Variants in PTPRO observed in about 807,000 individuals in gnomAD.
PTPRO encodes the protein receptor-type tyrosine-protein phosphatase O.
A neutral mutation model predicts 145.2 loss-of-function variants in PTPRO; 62 were observed. The observed-to-expected ratio is 0.43, with a 90% CI of 0.35 to 0.53. The LOEUF (loss-of-function observed/expected upper bound fraction) is 0.53, where lower values mean the gene tolerates loss of function less well. PTPRO is among the 20% of genes least tolerant of loss of function. PTPRO has a pLI of 0.01. For synonymous variants in PTPRO, 565 were observed against 514.7 expected, an observed-to-expected ratio of 1.10 and a Z score of -1.32; for missense variants, 1,345 against 1,482.7, an observed-to-expected ratio of 0.91 and a Z score of 1.53.
At position 15,469,768 on chromosome 12, in the gene PTPRO, C is replaced by CAAAAAA. The variant is rs3085503; in HGVS notation, c.76-14192_76-14187dup. ...AGGAATCATGGCGTTAGTGTCCTGA[C>CAAAAAA]AAAAAAAAAAAAAAAAAAATACAGC... On this transcript the variant is annotated intron_variant, in intron 1 of 26. Coordinates refer to ENST00000281171, the MANE Select transcript of PTPRO (RefSeq NM_030667.3). 4.0e-4 allele frequency among the ~76,000 whole-genome samples: 44 copies of CAAAAAA among 110,068 alleles called. 1 individual carries two copies. The highest frequency in any genetic ancestry group is 9.6e-4 in the East Asian group (4 of 4,182). The allele number at this position is 110,068 out of a possible 152,430, so 72.2% of individuals were successfully genotyped here. A position where few individuals can be genotyped will look rare whatever the true frequency, so the allele number is the denominator to read the frequency against.
chr12:15,389,104 A>ATTTTTT (rs148751888), intron 1 of PTPRO, among the ~76,000 whole-genome samples: 1 of 137,744 alleles, frequency 7.3e-6, no homozygotes, highest in African/African-American at 2.8e-5. Flanking sequence ...TAAATAAAGA[A>ATTTTTT]TTTTTTTTTT....
chr12:15,453,348 C>A (rs1024379271), intron 1 of PTPRO, among the ~76,000 whole-genome samples: 1 of 151,976 alleles, frequency 6.6e-6, no homozygotes, highest in Non-Finnish European at 1.5e-5. Flanking sequence ...AAAATCTGGA[C>A]CATAGTCTGA....
intron 24 of PTPRO, 35 bp downstream of exon 24, chr12:15,587,086 A>G: frequency 6.2e-7 from 1 of 1,612,868 alleles, no homozygotes; most frequent in Non-Finnish European, 8.5e-7. Flanking sequence ...ATTAAATATT[A>G]GGAGTTGGTT....
chr12:15,573,840 T>C (rs539570743), intron 19 of PTPRO, among the ~76,000 whole-genome samples: 1 of 152,332 alleles, frequency 6.6e-6, no homozygotes, highest in South Asian at 2.1e-4. Flanking sequence ...GATTTCAGGA[T>C]GTATGCTGGA....
chr12:15,392,017 G>A (rs1169004602), intron 1 of PTPRO, among the ~76,000 whole-genome samples: 1 of 152,104 alleles, frequency 6.6e-6, no homozygotes, highest in Non-Finnish European at 1.5e-5. Context: ...GTCTTCACTG[G>A]GGCCTCTAGT....
chr12:15,584,021 C>T (rs1944379328), intron 23 of PTPRO, among the ~76,000 whole-genome samples: 1 of 152,166 alleles, frequency 6.6e-6, no homozygotes. Flanking sequence ...TTAAGTGTCA[C>T]CCCCTTTGTG....
chr12:15,520,541 C>T, intron 10 of PTPRO, among the ~76,000 whole-genome samples: 1 of 152,116 alleles, frequency 6.6e-6, no homozygotes. Flanking sequence ...TATTTTTATT[C>T]TGAGGCACTG....
At chr12:15,467,520 T>G (rs1435702876) in intron 1 of PTPRO, among the ~76,000 whole-genome samples, 1 of 151,912 alleles carries the variant, frequency 6.6e-6, no homozygotes, top group Non-Finnish European at 1.5e-5. Flanking sequence ...GCCTTCTAAA[T>G]TCCCCCCAAT....
intron 1 of PTPRO, among the ~76,000 whole-genome samples, chr12:15,433,436 G>C (rs139923276): frequency 6.6e-6 from 1 of 152,124 alleles, no homozygotes; most frequent in Non-Finnish European, 1.5e-5. Flanking sequence ...GCCCGCCTTG[G>C]CCTCCCAAAG....
intron 1 of PTPRO, among the ~76,000 whole-genome samples, chr12:15,467,625 C>G (rs1941446870): frequency 6.6e-6 from 1 of 152,188 alleles, no homozygotes; most frequent in Non-Finnish European, 1.5e-5. Flanking sequence ...CATACTCTAA[C>G]CAGAGGGACC....
chr12:15,462,736 A>G (rs1050809404), intron 1 of PTPRO, among the ~76,000 whole-genome samples: 1 of 152,204 alleles, frequency 6.6e-6, no homozygotes, highest in Non-Finnish European at 1.5e-5. Context: ...CAAGACATGT[A>G]GAGAAATTCC....
intron 12 of PTPRO, among the ~76,000 whole-genome samples, chr12:15,534,112 A>G (rs1240032835): frequency 1.3e-5 from 2 of 152,148 alleles, no homozygotes; most frequent in African/African-American, 4.8e-5. Flanking sequence ...CAACCATCCC[A>G]TTAGGAATTT....
intron 1 of PTPRO, among the ~76,000 whole-genome samples, chr12:15,418,168 G>A (rs1940034994): frequency 6.6e-6 from 1 of 151,758 alleles, no homozygotes; most frequent in African/African-American, 2.4e-5. Flanking sequence ...TTACCTCCTT[G>A]TGGACAAGAA....
At chr12:15,387,966 C>T (rs1391862662) in intron 1 of PTPRO, among the ~76,000 whole-genome samples, 2 of 152,228 alleles carry the variant, frequency 1.3e-5, no homozygotes, top group Non-Finnish European at 2.9e-5. Flanking sequence ...AATTATTCTT[C>T]TGATCTCATG....
At chr12:15,530,743 T>G (rs1942945110) in intron 12 of PTPRO, among the ~76,000 whole-genome samples, 1 of 152,126 alleles carries the variant, frequency 6.6e-6, no homozygotes, top group Non-Finnish European at 1.5e-5. Flanking sequence ...ATGAGGGAAT[T>G]TTATAGCAAT....
intron 1 of PTPRO, among the ~76,000 whole-genome samples, chr12:15,359,741 T>C (rs925611911): frequency 7.2e-5 from 11 of 152,174 alleles, no homozygotes; most frequent in Admixed American, 2.0e-4. Context: ...GGATCTATTT[T>C]TCTGTCATGT....
chr12:15,558,950 G>C (rs1943707096), intron 16 of PTPRO, among the ~76,000 whole-genome samples: 2 of 152,176 alleles, frequency 1.3e-5, no homozygotes, highest in South Asian at 4.1e-4. Flanking sequence ...AACCCTTGAT[G>C]GTGAAAAGTT....
intron 1 of PTPRO, among the ~76,000 whole-genome samples, chr12:15,401,683 C>T (rs2136299786): frequency 6.6e-6 from 1 of 152,260 alleles, no homozygotes; most frequent in South Asian, 2.1e-4. Context: ...ATGAACTACA[C>T]CATATTTCAT....
intron 10 of PTPRO, among the ~76,000 whole-genome samples, chr12:15,523,486 GT>G (rs1942771006): frequency 6.6e-6 from 1 of 151,960 alleles, no homozygotes; most frequent in South Asian, 2.1e-4. Flanking sequence ...ATTTATTTAC[GT>G]TTTTTGGCTG....
Sources: gnomAD v4.1 joint callset for allele counts (sites outside exome capture counted in the v4.1 genomes callset) on GRCh38, gnomAD v4.1.1 for gene constraint, MANE v1.5 for transcripts, NCBI Gene and HGNC (gene_info 2026-07-23, HGNC 2026-07-21) for gene names.